Variants in PTPRD observed in about 807,000 individuals in gnomAD.
PTPRD encodes protein tyrosine phosphatase receptor type D.
A neutral mutation model predicts 214.5 loss-of-function variants in PTPRD; 34 were observed. The ratio of observed to expected loss-of-function variants is 0.16; its 90% CI spans 0.12 to 0.21. The LOEUF (loss-of-function observed/expected upper bound fraction) is 0.21, where lower values mean the gene tolerates loss of function less well. Ranked by LOEUF, PTPRD falls within the 10% of genes least tolerant of loss-of-function variation. The pLI, the probability that PTPRD is intolerant of heterozygous loss-of-function variation, is 1.00. For missense variants in PTPRD, 2,545 were observed against 2,398.7 expected, an observed-to-expected ratio of 1.06 and a Z score of -1.27; for synonymous variants, 1,128 against 845.7, an observed-to-expected ratio of 1.33 and a Z score of -5.79.
rs138566441 is a variant in PTPRD at position 10,287,611 on chromosome 9, G to C, written c.-545+53352C>G. ...TGCCATGAGAAATGCAATAACACAA[G>C]CTCAACCAGGAAGCCTCATAGTTCC... On this transcript the variant is annotated intron_variant, in intron 3 of 45. Coordinates refer to ENST00000381196, the MANE Select transcript of PTPRD (RefSeq NM_002839.4). Among the ~76,000 whole-genome samples, 517 of 152,144 alleles carry C rather than the reference G, an allele frequency of 3.4e-3. 5 individuals carry two copies. The highest frequency in any genetic ancestry group is 0.012 in the African/African-American group (484 of 41,506).
chr9:9,265,843 A>G (rs1397367903), intron 9 of PTPRD, among the ~76,000 whole-genome samples: 6 of 151,596 alleles, frequency 4.0e-5, no homozygotes, highest in Non-Finnish European at 7.4e-5. Context: ...TAAAACAACC[A>G]GGAAATCATA....
intron 10 of PTPRD, among the ~76,000 whole-genome samples, chr9:9,127,934 G>A (rs1426877223): frequency 6.6e-6 from 1 of 152,122 alleles, no homozygotes. Context: ...TGGTCTACAA[G>A]GTACCCCAAG....
Position 10,363,042 on chromosome 9 carries a change from A to T in PTPRD, c.-599-22025T>A, listed in dbSNP as rs146890390. Among the ~76,000 whole-genome samples, 224 of 152,318 alleles carry T rather than the reference A, an allele frequency of 1.5e-3. 1 individual carries two copies. Among genetic ancestry groups the T allele is most frequent in the African/African-American group, 5.2e-3 (217 of 41,570 alleles). On this transcript the variant is annotated intron_variant, in intron 2 of 45. Coordinates refer to ENST00000381196, the MANE Select transcript of PTPRD (RefSeq NM_002839.4). ...GTTTATATCAGAAATTCAGTGAAGTACAGCTGGAAAGTGAGGTTCTTTGTT... is the reference window on the plus strand; with the variant it reads ...GTTTATATCAGAAATTCAGTGAAGTTCAGCTGGAAAGTGAGGTTCTTTGTT...
chr9:9,454,649 A>C (rs1376948105), intron 8 of PTPRD, among the ~76,000 whole-genome samples: 1 of 151,706 alleles, frequency 6.6e-6, no homozygotes, highest in Admixed American at 6.6e-5. Flanking sequence ...AGCATACTTT[A>C]CACAACTGTA....
At chr9:9,423,308 G>C (rs1031254743) in intron 8 of PTPRD, among the ~76,000 whole-genome samples, 2 of 152,094 alleles carry the variant, frequency 1.3e-5, no homozygotes, top group East Asian at 3.9e-4. Context: ...CACAGAATAA[G>C]AGACCAGGGT....
intron 3 of PTPRD, among the ~76,000 whole-genome samples, chr9:10,277,124 T>C (rs751672795): frequency 2.0e-5 from 3 of 152,200 alleles, no homozygotes; most frequent in Non-Finnish European, 4.4e-5. Context: ...TGGAGGTTAA[T>C]GTCTCATGCA....
At chr9:10,207,798 T>C (rs1245013629) in intron 3 of PTPRD, among the ~76,000 whole-genome samples, 1 of 151,858 alleles carries the variant, frequency 6.6e-6, no homozygotes, top group African/African-American at 2.4e-5. Flanking sequence ...AAAAAAATCC[T>C]GGAAGTAGGA....
intron 3 of PTPRD, among the ~76,000 whole-genome samples, chr9:10,113,962 G>T (rs1367546063): frequency 1.3e-5 from 2 of 152,124 alleles, no homozygotes; most frequent in Non-Finnish European, 2.9e-5. Context: ...TGTAAAAAAT[G>T]AAAATTCCAG....
At position 8,840,834 on chromosome 9, in the gene PTPRD, A is replaced by C. The variant is rs190205891; in HGVS notation, c.-103-106888T>G. On this transcript the variant is annotated intron_variant, in intron 11 of 45. Transcript: ENST00000381196. ...TGGGACTTAGCAAGGTTTTGGCACC[A>C]ATTCTATCAATTAACTACAATACTG... Among the ~76,000 whole-genome samples the C allele has an allele frequency of 6.1e-3, 923 of 152,260 alleles. 18 individuals are homozygous for C. Among genetic ancestry groups the C allele is most frequent in the South Asian group, 0.027 (128 of 4,816 alleles).
chr9:8,548,001 G>T (rs540944419), intron 14 of PTPRD, among the ~76,000 whole-genome samples: 145 of 152,304 alleles, frequency 9.5e-4, no homozygotes, highest in Admixed American at 2.6e-3. Flanking sequence ...GTGAAAACGT[G>T]CATGTGAACA....
At chr9:9,498,848 A>C (rs1389155752) in intron 8 of PTPRD, among the ~76,000 whole-genome samples, 1 of 152,138 alleles carries the variant, frequency 6.6e-6, no homozygotes, top group Non-Finnish European at 1.5e-5. Flanking sequence ...CTGTGTTCTT[A>C]ATTCAAAAGT....
intron 3 of PTPRD, among the ~76,000 whole-genome samples, chr9:10,155,939 T>G (rs1433306065): frequency 1.3e-5 from 2 of 152,072 alleles, no homozygotes; most frequent in Non-Finnish European, 2.9e-5. Context: ...TGTTTGGATA[T>G]CAGGATGATG....
intron 2 of PTPRD, among the ~76,000 whole-genome samples, chr9:10,556,770 T>C (rs1181510190): frequency 6.6e-6 from 1 of 152,170 alleles, no homozygotes; most frequent in Non-Finnish European, 1.5e-5. Context: ...ATGAGATTAA[T>C]TATATTTTAG....
chr9:10,100,467 T>A (rs965336289), intron 3 of PTPRD, among the ~76,000 whole-genome samples: 2 of 151,604 alleles, frequency 1.3e-5, no homozygotes, highest in African/African-American at 4.8e-5. Flanking sequence ...GAATCAAAAA[T>A]ATCTGACAAA....
rs142675515 is a variant in PTPRD, at chr9:8,940,583, C to T, written c.-104+78114G>A. On this transcript the variant is annotated intron_variant, in intron 11 of 45. Coordinates refer to ENST00000381196, the MANE Select transcript of PTPRD (RefSeq NM_002839.4). Reference sequence around the variant, plus strand: ...TACTGGGATTACAGGTGTGAGCCACCGCACCCAGCCTGCACATCTCTTAAA... The same window carrying T: ...TACTGGGATTACAGGTGTGAGCCACTGCACCCAGCCTGCACATCTCTTAAA... Among the ~76,000 whole-genome samples, 452 of 151,510 alleles carry T rather than the reference C, an allele frequency of 3.0e-3. 1 individual carries two copies. Among genetic ancestry groups the T allele is most frequent in the African/African-American group, 9.2e-3 (382 of 41,312 alleles).
chr9:8,830,619 G>A (rs944318799), intron 11 of PTPRD, among the ~76,000 whole-genome samples: 7 of 152,072 alleles, frequency 4.6e-5, no homozygotes, highest in Non-Finnish European at 7.4e-5. Context: ...AGTGTGCAGC[G>A]ACACAGTGTC....
intron 14 of PTPRD, among the ~76,000 whole-genome samples, chr9:8,589,122 G>A (rs982940527): frequency 2.6e-5 from 4 of 152,116 alleles, no homozygotes; most frequent in South Asian, 2.1e-4. Context: ...AATTTCTAGC[G>A]CAAAGGAAAA....
chr9:9,595,824 G>T (rs573402754), intron 7 of PTPRD, among the ~76,000 whole-genome samples: 1 of 151,886 alleles, frequency 6.6e-6, no homozygotes, highest in East Asian at 1.9e-4. Flanking sequence ...AAGGATAAAA[G>T]ACTACAAGCT....
chr9:8,642,959 C>T (rs1417550232), intron 12 of PTPRD, among the ~76,000 whole-genome samples: 1 of 152,010 alleles, frequency 6.6e-6, no homozygotes, highest in Non-Finnish European at 1.5e-5. Context: ...GGCACAGATA[C>T]CACCTGGGGT....
Sources: gnomAD v4.1 joint callset for allele counts (sites outside exome capture counted in the v4.1 genomes callset) on GRCh38, gnomAD v4.1.1 for gene constraint, MANE v1.5 for transcripts, NCBI Gene and HGNC (gene_info 2026-07-23, HGNC 2026-07-21) for gene names.